Variants in DCLK2 observed in about 807,000 individuals in gnomAD.
DCLK2 encodes doublecortin like kinase 2.
A neutral mutation model predicts 78.4 loss-of-function variants in DCLK2; 31 were observed. The ratio of observed to expected loss-of-function variants is 0.40; its 90% CI spans 0.30 to 0.53. DCLK2 has a LOEUF of 0.53. DCLK2 is among the 20% of genes least tolerant of loss of function. The pLI, the probability that DCLK2 is intolerant of heterozygous loss-of-function variation, is 0.61. For missense variants in DCLK2, 872 were observed against 973.7 expected (o/e 0.90, Z 1.39); for synonymous variants, 407 against 374.9 (o/e 1.09, Z -0.99).
At chr4:150,164,037 C>T (rs992965920) in intron 2 of DCLK2, among the ~76,000 whole-genome samples, 1 of 152,196 alleles carries the variant, frequency 6.6e-6, no homozygotes, top group African/African-American at 2.4e-5. Context: ...TCTGAAAGTG[C>T]TGGAATTATA....
chr4:150,112,262 G>T (rs1731748165), intron 2 of DCLK2, among the ~76,000 whole-genome samples: 1 of 152,132 alleles, frequency 6.6e-6, no homozygotes. Flanking sequence ...TTGATTCTCA[G>T]CTTGGTCATT....
At chr4:150,138,823 G>A (rs900847668) in intron 2 of DCLK2, among the ~76,000 whole-genome samples, 8 of 151,958 alleles carry the variant, frequency 5.3e-5, no homozygotes, top group Admixed American at 6.6e-5. Flanking sequence ...CTGCCACCAT[G>A]CCCAGCTAAT....
At chr4:150,213,405 C>T (rs1740454746) in intron 5 of DCLK2, among the ~76,000 whole-genome samples, 2 of 152,220 alleles carry the variant, frequency 1.3e-5, no homozygotes, top group Non-Finnish European at 2.9e-5. Flanking sequence ...ATATCTCATA[C>T]TGAAGTATTT....
intron 1 of DCLK2, among the ~76,000 whole-genome samples, chr4:150,096,758 C>T (rs1045460559): frequency 4.6e-5 from 7 of 152,050 alleles, no homozygotes; most frequent in South Asian, 2.1e-4. Flanking sequence ...GGAACTGGGG[C>T]GAGCCACATT....
intron 2 of DCLK2, among the ~76,000 whole-genome samples, chr4:150,168,709 C>T (rs1035594640): frequency 7.2e-5 from 11 of 152,130 alleles, no homozygotes; most frequent in African/African-American, 2.7e-4. Flanking sequence ...TTTTAATACT[C>T]GTTGGGTAAT....
At chr4:150,156,493 A>AATAAATAG (rs1735280209) in intron 2 of DCLK2, among the ~76,000 whole-genome samples, 1 of 150,222 alleles carries the variant, frequency 6.7e-6, no homozygotes, top group African/African-American at 2.4e-5. Flanking sequence ...AAAATAAATA[A>AATAAATAG]ATAAATAAAT....
Position 150,078,858 on chromosome 4 carries a change from G to C in DCLK2, c.-170G>C, listed in dbSNP as rs1347544494. On this transcript the variant is annotated 5_prime_UTR_variant, in exon 1 of 16. Transcript: ENST00000296550. ...GACACTTTTAGCTGAGGGCGCGGGC[G>C]GGTCGGCTCCTCCGCGGCTCCTCGG... 4 of 794,742 alleles carry C rather than the reference G, an allele frequency of 5.0e-6. No individual in the cohort carries two copies. Among genetic ancestry groups the C allele is most frequent in the East Asian group, 3.2e-5 (1 of 31,142 alleles). 49.2% of individuals were successfully genotyped at this position (794,742 alleles called of 1,614,324 possible). A position where few individuals can be genotyped will look rare whatever the true frequency, so the allele number is the denominator to read the frequency against.
intron 2 of DCLK2, among the ~76,000 whole-genome samples, chr4:150,153,564 CAT>C (rs10544678): frequency 0.3 from 45,168 of 151,512 alleles, 6,817 homozygotes; most frequent in East Asian, 0.34. Context: ...TGTGCCACCA[CAT>C]GCCTGGCTAA....
At chr4:150,198,184 T>G (rs986382062) in intron 4 of DCLK2, 81 bp downstream of exon 4, 1 of 1,302,616 alleles carries the variant, frequency 7.7e-7, no homozygotes, top group Non-Finnish European at 1.1e-6. Flanking sequence ...TATGAATTAG[T>G]AGTCTTTGCC....
intron 1 of DCLK2, among the ~76,000 whole-genome samples, chr4:150,089,589 C>T (rs909685365): frequency 1.2e-4 from 19 of 152,186 alleles, no homozygotes; most frequent in African/African-American, 2.2e-4. Flanking sequence ...AAAAATCCAG[C>T]ATCCAAATTG....
intron 1 of DCLK2, 80 bp downstream of exon 1, chr4:150,079,528 C>A: frequency 7.3e-7 from 1 of 1,363,236 alleles, no homozygotes; most frequent in Non-Finnish European, 9.7e-7. Flanking sequence ...CAGCGGGGAG[C>A]CCGCGGGGTG....
intron 8 of DCLK2, among the ~76,000 whole-genome samples, chr4:150,228,243 C>A (rs1019133664): frequency 6.6e-6 from 1 of 152,194 alleles, no homozygotes; most frequent in African/African-American, 2.4e-5. Flanking sequence ...GTAATATTTG[C>A]AAGTTGCAGG....
chr4:150,192,478 CA>C (rs56235708), intron 2 of DCLK2, among the ~76,000 whole-genome samples: 20 of 112,510 alleles, frequency 1.8e-4, no homozygotes, highest in East Asian at 5.3e-4. Context: ...GATTGCGTCT[CA>C]AAAAAAAAAA....
intron 14 of DCLK2, 51 bp downstream of exon 14, chr4:150,248,436 C>T (rs374746579): frequency 2.1e-4 from 298 of 1,442,538 alleles, no homozygotes; most frequent in South Asian, 1.6e-3. Context: ...CTGTGGCCAA[C>T]AGCACGGTTC....
intron 10 of DCLK2, among the ~76,000 whole-genome samples, chr4:150,234,730 A>G (rs1297883615): frequency 6.6e-6 from 1 of 151,844 alleles, no homozygotes; most frequent in Non-Finnish European, 1.5e-5. Context: ...TTATTAGGAA[A>G]AGAAATATCC....
chr4:150,217,131 T>C (rs1188032631), intron 5 of DCLK2, among the ~76,000 whole-genome samples: 1 of 152,214 alleles, frequency 6.6e-6, no homozygotes, highest in African/African-American at 2.4e-5. Flanking sequence ...TTGATCTCTC[T>C]GGTACTAATT....
At chr4:150,127,183 T>G (rs1357339686) in intron 2 of DCLK2, among the ~76,000 whole-genome samples, 1 of 152,186 alleles carries the variant, frequency 6.6e-6, no homozygotes, top group Non-Finnish European at 1.5e-5. Context: ...TGTACATTTA[T>G]AATTTTTTTA....
In DCLK2 at chr4:150,079,222, C is replaced by G. The variant is rs748790316; in HGVS notation, c.195C>G (p.Leu65=). The G allele has an allele frequency of 2.5e-6, 4 of 1,611,288 alleles. No homozygotes were observed. The South Asian group carries it at 3.3e-5, about 13-fold the overall frequency. ...ACCGCACGCGGACCCTGCAGGCCCT[C>G]AGCTCGGAGAAGAAGGCCAAGAAGG... ...SFYRTRTLQA[L]SSEKKAKKAR... Residue 65 remains leucine, a synonymous_variant, in exon 1 of 16, where the codon CTC becomes CTG. Coordinates refer to ENST00000296550, the MANE Select transcript of DCLK2 (RefSeq NM_001040260.4).
chr4:150,177,526 T>C (rs1737183217), intron 2 of DCLK2, among the ~76,000 whole-genome samples: 1 of 152,226 alleles, frequency 6.6e-6, no homozygotes, highest in South Asian at 2.1e-4. Flanking sequence ...TTGAACATTC[T>C]GAGAAAGGCA....
Sources: allele counts gnomAD v4.1 joint callset (sites outside exome capture counted in the v4.1 genomes callset), GRCh38; gene constraint gnomAD v4.1.1; transcripts MANE v1.5; gene names NCBI Gene and HGNC (gene_info 2026-07-23, HGNC 2026-07-21).